GRID2: variants seen among roughly 807,000 people sequenced by gnomAD.
GRID2 encodes the protein glutamate ionotropic receptor delta type subunit 2.
Under a neutral mutation model 114.8 loss-of-function variants are expected in GRID2, and 33 were observed. That is an observed-to-expected ratio of 0.29 (90% CI 0.22 to 0.38). The LOEUF (loss-of-function observed/expected upper bound fraction) is 0.38. Ranked by LOEUF, GRID2 falls within the 10% of genes least tolerant of loss-of-function variation. GRID2 has a pLI of 1.00. For synonymous variants in GRID2, 505 were observed against 449.9 expected (o/e 1.12, Z -1.55); for missense variants, 1,184 against 1,257.7 (o/e 0.94, Z 0.89).
At chr4:92,325,485 T>C (rs967639809) in intron 1 of GRID2, among the ~76,000 whole-genome samples, 1 of 151,866 alleles carries the variant, frequency 6.6e-6, no homozygotes, top group Admixed American at 6.6e-5. Flanking sequence ...TCAGTCTGTT[T>C]TGTGCACATT....
chr4:92,796,406 C>T (rs1250603437), intron 2 of GRID2, among the ~76,000 whole-genome samples: 2 of 151,850 alleles, frequency 1.3e-5, no homozygotes, highest in African/African-American at 4.8e-5. Context: ...GTCATTGTCC[C>T]AGCCTTCTTG....
intron 1 of GRID2, among the ~76,000 whole-genome samples, chr4:92,566,398 G>C (rs1727338318): frequency 6.6e-6 from 1 of 151,806 alleles, no homozygotes; most frequent in South Asian, 2.1e-4. Context: ...GAAAAAGGGG[G>C]ACCAGAAAAT....
chr4:93,696,856 T>C (rs942122791), intron 14 of GRID2, among the ~76,000 whole-genome samples: 10 of 152,182 alleles, frequency 6.6e-5, no homozygotes, highest in African/African-American at 2.4e-4. Flanking sequence ...AGACCCAGAA[T>C]TGTAGTATTT....
intron 2 of GRID2, among the ~76,000 whole-genome samples, chr4:92,787,558 AG>A (rs1739376914): frequency 6.6e-6 from 1 of 151,914 alleles, no homozygotes; most frequent in Non-Finnish European, 1.5e-5. Flanking sequence ...CAAAGACTGC[AG>A]CAGAGTGATA....
chr4:93,585,927 G>A (rs1321239143), intron 13 of GRID2, among the ~76,000 whole-genome samples: 1 of 151,950 alleles, frequency 6.6e-6, no homozygotes, highest in Non-Finnish European at 1.5e-5. Context: ...AATTGTTCAT[G>A]TGTGCTAGAA....
chr4:93,634,378 T>C (rs1264642494), intron 14 of GRID2, among the ~76,000 whole-genome samples: 1 of 152,102 alleles, frequency 6.6e-6, no homozygotes, highest in Non-Finnish European at 1.5e-5. Flanking sequence ...CTGGAAATAA[T>C]ATTAGTTGAG....
intron 8 of GRID2, 33 bp downstream of exon 8, chr4:93,238,523 T>G (rs878987584): frequency 6.3e-7 from 1 of 1,590,572 alleles, no homozygotes; most frequent in Non-Finnish European, 8.6e-7. Context: ...ATACGCTTTT[T>G]CCTATACTAT....
intron 2 of GRID2, among the ~76,000 whole-genome samples, chr4:92,935,556 A>T (rs1750601405): frequency 6.8e-6 from 1 of 146,800 alleles, no homozygotes; most frequent in Admixed American, 7.4e-5. Context: ...AAGGACTATA[A>T]ATCATGCTGC....
At chr4:93,158,662 G>A (rs959070695) in intron 4 of GRID2, among the ~76,000 whole-genome samples, 1 of 151,480 alleles carries the variant, frequency 6.6e-6, no homozygotes, top group Non-Finnish European at 1.5e-5. Flanking sequence ...GGAATACAAC[G>A]ATCTACCATT....
chr4:93,407,766 CTCCTCCTCCTCA>C (rs1766644443), intron 9 of GRID2, among the ~76,000 whole-genome samples: 1 of 129,704 alleles, frequency 7.7e-6, no homozygotes, highest in Non-Finnish European at 1.6e-5. Flanking sequence ...CGTCCTCCTC[CTCCTCCTCCTCA>C]TCCTCCTCGT....
chr4:93,507,598 C>A (rs1421498388), intron 12 of GRID2, among the ~76,000 whole-genome samples: 4 of 152,162 alleles, frequency 2.6e-5, no homozygotes, highest in Non-Finnish European at 5.9e-5. Context: ...TTCAATTAAG[C>A]AATTTTCTTC....
chr4:93,233,281 A>G (rs947552746), intron 7 of GRID2, among the ~76,000 whole-genome samples: 26 of 152,036 alleles, frequency 1.7e-4, no homozygotes, highest in African/African-American at 4.8e-4. Context: ...GAAATTTCCA[A>G]ATTTTATTCA....
intron 13 of GRID2, among the ~76,000 whole-genome samples, chr4:93,546,356 C>T (rs889686018): frequency 1.3e-5 from 2 of 152,056 alleles, no homozygotes; most frequent in Non-Finnish European, 2.9e-5. Context: ...TATTTACAGC[C>T]ATATTTGTGG....
intron 2 of GRID2, among the ~76,000 whole-genome samples, chr4:92,737,057 T>A (rs113917421): frequency 9.9e-4 from 150 of 152,192 alleles, no homozygotes; most frequent in Admixed American, 2.0e-3. Flanking sequence ...TACTAAGAAT[T>A]ATGCATTTTA....
chr4:93,091,116 A>G (rs1178089390), intron 3 of GRID2, among the ~76,000 whole-genome samples: 7 of 152,132 alleles, frequency 4.6e-5, no homozygotes, highest in African/African-American at 1.7e-4. Context: ...AGAGTCCTGC[A>G]CTTGTAACAA....
At chr4:93,519,636 A>T (rs1730136541) in intron 13 of GRID2, among the ~76,000 whole-genome samples, 1 of 152,154 alleles carries the variant, frequency 6.6e-6, no homozygotes, top group Non-Finnish European at 1.5e-5. Flanking sequence ...GGGGAAAAAC[A>T]AATCATTCTA....
chr4:92,926,773 C>A (rs1019549911), intron 2 of GRID2, among the ~76,000 whole-genome samples: 3 of 151,872 alleles, frequency 2.0e-5, no homozygotes, highest in Non-Finnish European at 4.4e-5. Flanking sequence ...GATTGAGAGA[C>A]CACACCTGGT....
chr4:92,545,776 T>C (rs550693846), intron 1 of GRID2, among the ~76,000 whole-genome samples: 31 of 152,182 alleles, frequency 2.0e-4, no homozygotes, highest in Admixed American at 4.6e-4. Flanking sequence ...TCATTTCATC[T>C]ATTTATGCAA....
chr4:93,265,223 A>G (rs896333577), intron 8 of GRID2, among the ~76,000 whole-genome samples: 3 of 147,046 alleles, frequency 2.0e-5, no homozygotes, highest in Non-Finnish European at 2.9e-5. Flanking sequence ...GTGTACATTT[A>G]CCTGCAGTTG....
Sources: gnomAD v4.1 joint callset for allele counts (sites outside exome capture counted in the v4.1 genomes callset) on GRCh38, gnomAD v4.1.1 for gene constraint, MANE v1.5 for transcripts, NCBI Gene and HGNC (gene_info 2026-07-23, HGNC 2026-07-21) for gene names.